INPP5D: variants seen among roughly 807,000 people sequenced by gnomAD.
INPP5D encodes the protein inositol polyphosphate-5-phosphatase D.
In INPP5D, 33 loss-of-function variants were observed where a neutral mutation model predicts 122.9. The ratio of observed to expected loss-of-function variants is 0.27; its 90% CI spans 0.20 to 0.36. The LOEUF is 0.36. Among genes scored for constraint, INPP5D ranks in the 10% least tolerant of loss-of-function variants. The pLI is 1.00. For missense variants in INPP5D, 1,053 were observed against 1,412.7 expected (o/e 0.75, Z 4.08); for synonymous variants, 584 against 576.2 (o/e 1.01, Z -0.19).
intron 9 of INPP5D, among the ~76,000 whole-genome samples, chr2:233,152,995 G>A (rs191650975): frequency 1.3e-5 from 2 of 152,214 alleles, no homozygotes; most frequent in African/African-American, 2.4e-5. Context: ...CAGGCAAGAG[G>A]CGGTGGCAGC....
intron 2 of INPP5D, among the ~76,000 whole-genome samples, chr2:233,089,179 C>T (rs749417293): frequency 4.6e-5 from 7 of 152,102 alleles, no homozygotes; most frequent in Non-Finnish European, 8.8e-5. Context: ...GCCTTGAGGA[C>T]ACGGGAGGGA....
intron 2 of INPP5D, among the ~76,000 whole-genome samples, chr2:233,103,335 T>C (rs1343232230): frequency 6.6e-6 from 1 of 152,258 alleles, no homozygotes; most frequent in Non-Finnish European, 1.5e-5. Flanking sequence ...TGCTCATATT[T>C]AATTTGCCTA....
rs1694277042 is a variant in INPP5D, at chr2:233,164,461, CT to C, written c.1555+38del. The C allele has an allele frequency of 1.3e-6, 2 of 1,514,532 alleles. No homozygotes were observed. The highest frequency in any genetic ancestry group is 2.8e-5 in the African/African-American group (2 of 72,498). 93.8% of individuals were successfully genotyped at this position (1,514,532 alleles called of 1,614,324 possible). On this transcript the variant is annotated intron_variant, in intron 13 of 26. Transcript: ENST00000445964. The surrounding 1 kb of genome is among the most constrained non-coding windows in gnomAD (Gnocchi z 4.3). Reference sequence around the variant, plus strand: ...GGGGACCCTGTGTTCCTCCCACACCCTCTGCCTCAACTCTCGCGACCACATC... The same window carrying C: ...GGGGACCCTGTGTTCCTCCCACACCCCTGCCTCAACTCTCGCGACCACATC...
chr2:233,167,198 C>A (rs1395441903), intron 13 of INPP5D, among the ~76,000 whole-genome samples: 1 of 127,134 alleles, frequency 7.9e-6, no homozygotes, highest in Non-Finnish European at 1.7e-5. Context: ...TAGGAAGGTA[C>A]CATTTCTACA....
At chr2:233,165,416 G>C (rs1288717497) in intron 13 of INPP5D, among the ~76,000 whole-genome samples, 1 of 152,016 alleles carries the variant, frequency 6.6e-6, no homozygotes, top group Non-Finnish European at 1.5e-5. Context: ...CTACATATGT[G>C]AGTCCGTGTG....
chr2:233,161,392 C>T (rs1004273610), intron 10 of INPP5D, among the ~76,000 whole-genome samples: 1 of 152,108 alleles, frequency 6.6e-6, no homozygotes, highest in African/African-American at 2.4e-5. Flanking sequence ...ACACCTGGCC[C>T]TCTGATACAT....
At chr2:233,181,456 A>T (rs977808008) in intron 18 of INPP5D, among the ~76,000 whole-genome samples, 1 of 152,138 alleles carries the variant, frequency 6.6e-6, no homozygotes, top group Non-Finnish European at 1.5e-5. Context: ...GTGAAAGCCC[A>T]GACATGCTCA....
intron 25 of INPP5D, among the ~76,000 whole-genome samples, chr2:233,200,570 A>G (rs1695304689): frequency 6.6e-6 from 1 of 152,202 alleles, no homozygotes. Context: ...AGCTCCCTCC[A>G]GTTCCACCCT....
At chr2:233,151,233 G>A (rs1216891910) in intron 9 of INPP5D, among the ~76,000 whole-genome samples, 1 of 152,132 alleles carries the variant, frequency 6.6e-6, no homozygotes, top group Non-Finnish European at 1.5e-5. Flanking sequence ...AGCTACTTGG[G>A]AGGCTGAAGT....
chr2:233,180,209 T>C (rs932280894), intron 18 of INPP5D, among the ~76,000 whole-genome samples: 2 of 152,084 alleles, frequency 1.3e-5, no homozygotes, highest in Admixed American at 6.6e-5. Flanking sequence ...CCCAGACTCA[T>C]GGTGGGAGGG....
chr2:233,113,971 C>T (rs560478704), intron 2 of INPP5D, among the ~76,000 whole-genome samples: 18 of 143,644 alleles, frequency 1.3e-4, no homozygotes, highest in Admixed American at 2.8e-4. Context: ...AGTGCAGTGG[C>T]GCCATCTCAG....
At chr2:233,161,570 A>G (rs1694199931) in intron 10 of INPP5D, 154 bp from the exon 11 acceptor site, 1 of 1,092,416 alleles carries the variant, frequency 9.2e-7, no homozygotes, top group Non-Finnish European at 1.3e-6. Flanking sequence ...CCACTCGCTT[A>G]TGACTTTGGA....
chr2:233,158,593 C>T (rs1462164502), intron 10 of INPP5D, among the ~76,000 whole-genome samples, 174 bp downstream of exon 10: 2 of 152,082 alleles, frequency 1.3e-5, no homozygotes, highest in African/African-American at 4.8e-5. Context: ...TCCAGGTTGG[C>T]CTGGATTTGA....
intron 9 of INPP5D, among the ~76,000 whole-genome samples, chr2:233,151,316 A>T (rs559021923): frequency 9.3e-6 from 1 of 107,578 alleles, no homozygotes; most frequent in African/African-American, 4.0e-5. Context: ...CTAAAAATTA[A>T]TAATAATAAT....
chr2:233,165,677 T>C (rs2106297464), intron 13 of INPP5D, among the ~76,000 whole-genome samples: 1 of 152,252 alleles, frequency 6.6e-6, no homozygotes, highest in East Asian at 1.9e-4. Context: ...AGTGTGTTTA[T>C]GTGAGTCTAT....
rs74523514 is a variant in INPP5D at position 233,160,629 on chromosome 2, T to C, written c.1138-1095T>C. 8.4e-3 allele frequency among the ~76,000 whole-genome samples: 1,283 copies of C among 152,256 alleles called. 17 individuals carry two copies. Among genetic ancestry groups the C allele is most frequent in the African/African-American group, 0.029 (1,203 of 41,548 alleles). ...CTTTCTTCCTTCCCTTCTTTCTTTC[T>C]TTTTCTGTTTCTTTTCTTTTCTGAG... On this transcript the variant is annotated intron_variant, in intron 10 of 26. Transcript: ENST00000445964. This position sits in a 1 kb window ranked among gnomAD's most constrained non-coding sequence, Gnocchi z 4.2.
Position 233,065,583 on chromosome 2 carries a change from C to CTTTG in INPP5D, c.134+4974_134+4975insGTTT, listed in dbSNP as rs1176830539. Among the ~76,000 whole-genome samples the CTTTG allele has an allele frequency of 8.5e-3, 70 of 8,232 alleles. 32 individuals carry two copies. Among genetic ancestry groups the CTTTG allele is most frequent in the African/African-American group, 0.054 (70 of 1,306 alleles). The allele number at this position is 8,232 out of a possible 152,430, so 5.4% of individuals were successfully genotyped here. ...AGCCTTTTTCTTTCTTTCTTTCCTTCTTTCTTTCTTTCTTTCTTTCTTTCT... is the reference window on the plus strand; with the variant it reads ...AGCCTTTTTCTTTCTTTCTTTCCTTCTTTGTTTCTTTCTTTCTTTCTTTCTTTCT... On this transcript the variant is annotated intron_variant, in intron 1 of 26. Transcript: ENST00000445964.
chr2:233,154,170 CAG>C (rs1265383366), intron 9 of INPP5D, among the ~76,000 whole-genome samples: 1 of 151,860 alleles, frequency 6.6e-6, no homozygotes. Flanking sequence ...TTTTTTGAGA[CAG>C]AGTTTCACTC....
chr2:233,198,009 G>T (rs1695227840), intron 24 of INPP5D, 86 bp from the exon 25 acceptor site: 3 of 1,448,138 alleles, frequency 2.1e-6, no homozygotes, highest in East Asian at 2.5e-5. Flanking sequence ...GAGCCCTAGG[G>T]TTATCAGAGG....
Sources: allele counts gnomAD v4.1 joint callset (sites outside exome capture counted in the v4.1 genomes callset), GRCh38; gene constraint gnomAD v4.1.1; non-coding constraint Gnocchi (gnomAD v3.1); transcripts MANE v1.5; gene names NCBI Gene and HGNC (gene_info 2026-07-23, HGNC 2026-07-21).